Variants in ECHDC1 observed in about 807,000 individuals in gnomAD.
ECHDC1 encodes ethylmalonyl-CoA decarboxylase.
In ECHDC1, 29 loss-of-function variants were observed where a neutral mutation model predicts 29.7. The observed-to-expected ratio is 0.98, with a 90% CI of 0.73 to 1.33. The LOEUF (loss-of-function observed/expected upper bound fraction) is 1.33. Among genes scored for constraint, ECHDC1 ranks in the 40% most tolerant of loss-of-function variants. The pLI is 0.00. For synonymous variants in ECHDC1, 126 were observed against 123.1 expected, an observed-to-expected ratio of 1.02 and a Z score of -0.15; for missense variants, 328 against 350.0, an observed-to-expected ratio of 0.94 and a Z score of 0.50.
intron 1 of ECHDC1, chr6:127,342,294 G>A: frequency 6.7e-7 from 1 of 1,494,714 alleles, no homozygotes; most frequent in South Asian, 1.3e-5. Context: ...CTAAACAGGG[G>A]CTTAAGAATC....
At chr6:127,312,325 T>G (rs1307753388) in intron 5 of ECHDC1, among the ~76,000 whole-genome samples, 1 of 152,088 alleles carries the variant, frequency 6.6e-6, no homozygotes, top group East Asian at 1.9e-4. Context: ...CACAAGGTCC[T>G]CAACACCAGT....
intron 5 of ECHDC1, among the ~76,000 whole-genome samples, chr6:127,290,738 A>C (rs1780095017): frequency 6.6e-6 from 1 of 152,146 alleles, no homozygotes; most frequent in African/African-American, 2.4e-5. Flanking sequence ...TACCAGTGCC[A>C]GGTGGTGGTT....
intron 1 of ECHDC1, chr6:127,331,738 C>T (rs1413990594): frequency 2.7e-6 from 2 of 752,994 alleles, no homozygotes; most frequent in Non-Finnish European, 3.2e-6. Flanking sequence ...AAATATAGTC[C>T]AAGTGTCCCC....
At chr6:127,329,699 C>A in intron 2 of ECHDC1, 2 of 297,380 alleles carry the variant, frequency 6.7e-6, no homozygotes, top group Non-Finnish European at 1.3e-5. Flanking sequence ...ATATTAGTGA[C>A]ATATTGAAAA....
rs1779952112 is a variant in ECHDC1, at chr6:127,289,739, G to A, written c.*130C>T. The A allele has an allele frequency of 5.3e-6, 5 of 945,880 alleles. 1 individual carries two copies. The South Asian group carries it at 1.0e-4, about 19-fold the overall frequency. 58.6% of individuals were successfully genotyped at this position (945,880 alleles called of 1,614,324 possible). On this transcript the variant is annotated 3_prime_UTR_variant, in exon 6 of 6. Coordinates refer to ENST00000454859, the MANE Select transcript of ECHDC1 (RefSeq NM_001002030.2). ...GGTAAATGAGTTCAGATATTCAAAT[G>A]ATTAAAAGTAAGTCTGCATATTAAT...
chr6:127,333,845 T>C (rs1784189216), intron 1 of ECHDC1, among the ~76,000 whole-genome samples: 1 of 152,142 alleles, frequency 6.6e-6, no homozygotes, highest in African/African-American at 2.4e-5. Context: ...TCCACAAGTA[T>C]CACTTCTTCT....
intron 1 of ECHDC1, 103 bp from the exon 2 acceptor site, chr6:127,331,133 G>A (rs1783899370): frequency 1.2e-6 from 1 of 801,978 alleles, no homozygotes; most frequent in African/African-American, 1.8e-5. Flanking sequence ...CTGTTGAGTT[G>A]GGAATACTTC....
rs565075649 is a variant in ECHDC1 at position 127,316,427 on chromosome 6, T to C, written c.416+23A>G. 5.0e-6 allele frequency: 8 copies of C among 1,587,808 alleles called. No homozygotes were observed. The East Asian group carries it at 9.0e-5, about 18-fold the overall frequency. On this transcript the variant is annotated intron_variant, in intron 4 of 5. Coordinates refer to ENST00000454859, the MANE Select transcript of ECHDC1 (RefSeq NM_001002030.2). The stretch of plus-strand genomic sequence containing the variant: ...TATTTTTGGTCTTTTAGAAATCATA[T>C]TTTAAAAAGAAGGCTGCATTACCTC...
At chr6:127,319,179 A>G (rs1194086716) in intron 3 of ECHDC1, among the ~76,000 whole-genome samples, 2 of 152,186 alleles carry the variant, frequency 1.3e-5, no homozygotes, top group Non-Finnish European at 2.9e-5. Context: ...TATGAAGTAA[A>G]CGGTTAGGAG....
At chr6:127,294,235 A>G (rs758084032) in intron 5 of ECHDC1, among the ~76,000 whole-genome samples, 6 of 152,208 alleles carry the variant, frequency 3.9e-5, no homozygotes, top group Non-Finnish European at 7.3e-5. Context: ...GTAGGGCCAG[A>G]AACGGCTAGT....
chr6:127,296,455 A>G (rs1263351078), intron 5 of ECHDC1, among the ~76,000 whole-genome samples: 4 of 152,126 alleles, frequency 2.6e-5, no homozygotes, highest in South Asian at 2.1e-4. Flanking sequence ...GGCCTCCCAC[A>G]GTGGACCATG....
At chr6:127,317,368 A>T (rs1049379375) in intron 3 of ECHDC1, among the ~76,000 whole-genome samples, 1 of 152,042 alleles carries the variant, frequency 6.6e-6, no homozygotes, top group Non-Finnish European at 1.5e-5. Context: ...ACTTCCATAT[A>T]AAGTGCTAAA....
chr6:127,343,572 C>CCGCG lies in ECHDC1; in HGVS notation c.-243_-240dup, dbSNP rs1785151516. ...CGTGACCCCGGAAATCCCGCTCCTG[C>CCGCG]CGCGAGGCGCCCTCCGCTTCGCGCT... On this transcript the variant is annotated 5_prime_UTR_variant, in exon 1 of 6. Coordinates refer to ENST00000454859, the MANE Select transcript of ECHDC1 (RefSeq NM_001002030.2). 6.6e-6 allele frequency: 1 copy of CCGCG among 152,192 alleles called. No individual in the cohort carries two copies. The highest frequency in any genetic ancestry group is 6.5e-5 in the Admixed American group (1 of 15,282). 9.4% of individuals were successfully genotyped at this position (152,192 alleles called of 1,614,324 possible).
At chr6:127,307,757 AAG>A (rs1358868384) in intron 5 of ECHDC1, among the ~76,000 whole-genome samples, 8 of 81,440 alleles carry the variant, frequency 9.8e-5, no homozygotes, top group African/African-American at 3.3e-4. Context: ...CAGACTAACA[AAG>A]AAAAAAAAAA....
chr6:127,316,279 A>G lies in ECHDC1; in HGVS notation c.416+171T>C, dbSNP rs904205112. On this transcript the variant is annotated intron_variant, in intron 4 of 5. Transcript: ENST00000454859. ...TTTAAAATACATATGTATATACTTC[A>G]TTAACATGTAATTAAATGATTATCC... The G allele has an allele frequency of 5.3e-6, 3 of 567,754 alleles. No individual in the cohort carries two copies. In the African/African-American group the frequency reaches 5.7e-5, roughly 11 times the overall value. The allele number at this position is 567,754 out of a possible 1,614,324, so 35.2% of individuals were successfully genotyped here.
chr6:127,310,554 A>G (rs542399981), intron 5 of ECHDC1, among the ~76,000 whole-genome samples: 2 of 152,348 alleles, frequency 1.3e-5, no homozygotes, highest in African/African-American at 4.8e-5. Flanking sequence ...CCAAATTGCT[A>G]CAATCTCATG....
chr6:127,319,171 T>C (rs1472238013), intron 3 of ECHDC1, among the ~76,000 whole-genome samples: 2 of 152,186 alleles, frequency 1.3e-5, no homozygotes, highest in Non-Finnish European at 2.9e-5. Context: ...AGAAGCAGTA[T>C]GAAGTAAACG....
At chr6:127,310,926 T>C (rs932157552) in intron 5 of ECHDC1, among the ~76,000 whole-genome samples, 1 of 152,126 alleles carries the variant, frequency 6.6e-6, no homozygotes, top group Non-Finnish European at 1.5e-5. Context: ...CCAGATTACA[T>C]CTCGGTGAAG....
At chr6:127,313,479 A>C in intron 5 of ECHDC1, 1 of 420,008 alleles carries the variant, frequency 2.4e-6, no homozygotes, top group Non-Finnish European at 4.8e-6. Context: ...CTGGGATAAC[A>C]GGCATGAGCC....
Sources: allele counts gnomAD v4.1 joint callset (sites outside exome capture counted in the v4.1 genomes callset), GRCh38; gene constraint gnomAD v4.1.1; transcripts MANE v1.5; gene names NCBI Gene and HGNC (gene_info 2026-07-23, HGNC 2026-07-21).